Variants in COL9A1 observed in about 807,000 individuals in gnomAD.
The protein encoded by COL9A1 is collagen alpha-1(IX) chain.
Under a neutral mutation model 142.6 loss-of-function variants are expected in COL9A1, and 104 were observed. The observed-to-expected ratio is 0.73, with a 90% CI of 0.62 to 0.86. COL9A1 has a LOEUF of 0.86. COL9A1 is among the 40% of genes least tolerant of loss of function. The probability of loss-of-function intolerance (pLI) is 0.00; values close to 1 mark genes in which losing one functional copy is unlikely to be tolerated. For missense variants in COL9A1, 1,210 were observed against 1,176.6 expected (o/e 1.03, Z -0.42); for synonymous variants, 466 against 396.0 (o/e 1.18, Z -2.10).
chr6:70,242,266 T>G, intron 29 of COL9A1: 3 of 597,402 alleles, frequency 5.0e-6, no homozygotes, highest in Admixed American at 2.6e-5. Context: ...CTTGCACTCC[T>G]TGGCAACAGT....
Position 70,216,803 on chromosome 6 carries a change from G to C in COL9A1, c.*94C>G, listed in dbSNP as rs1189778900. The C allele has an allele frequency of 3.2e-6, 4 of 1,266,940 alleles. No homozygotes were observed. Among genetic ancestry groups the C allele is most frequent in the Non-Finnish European group, 4.6e-6 (4 of 876,368 alleles). The allele number at this position is 1,266,940 out of a possible 1,614,324, so 78.5% of individuals were successfully genotyped here. A position where few individuals can be genotyped will look rare whatever the true frequency, so the allele number is the denominator to read the frequency against. ...GTAATACATTGTAATCATGCTGAAGGTAATCATCTTTGCCCCAGCTTTGGA... is the reference window on the plus strand; with the variant it reads ...GTAATACATTGTAATCATGCTGAAGCTAATCATCTTTGCCCCAGCTTTGGA... On this transcript the variant is annotated 3_prime_UTR_variant, in exon 38 of 38. Transcript: ENST00000357250.
Position 70,224,677 on chromosome 6 carries a change from T to G in COL9A1, c.2581+1255A>C, listed in dbSNP as rs73749907. Among the ~76,000 whole-genome samples the G allele has an allele frequency of 5.8e-3, 880 of 152,280 alleles. 7 individuals are homozygous for G. The highest frequency in any genetic ancestry group is 0.018 in the African/African-American group (757 of 41,564). ...AGACAGGCACCTTTAGTAAATTCTA[T>G]TTCCTTTTCCTCTCCTCTACACACC... On this transcript the variant is annotated intron_variant, in intron 37 of 37. Coordinates refer to ENST00000357250, the MANE Select transcript of COL9A1 (RefSeq NM_001851.6).
In COL9A1 at chr6:70,294,550, T is replaced by C; in HGVS notation, c.313A>G (p.Ser105Gly). Reference protein sequence around the residue: ...FRIPTRNLYPSGLPEEYSFLT... With the variant: ...FRIPTRNLYPGGLPEEYSFLT... ...AAGGAGTATTCTTCAGGCAGTCCAC[T>C]GGGATATAAATTCCTGAGTAAAATT... The change falls in exon 5 of 38, where the codon AGT becomes GGT. Residue 105 changes from serine (S) to glycine (G), a missense_variant. Physicochemically the swap from Ser to Gly is moderately conservative, Grantham distance 56. Coordinates refer to ENST00000357250, the MANE Select transcript of COL9A1 (RefSeq NM_001851.6). 1.9e-6 allele frequency: 3 copies of C among 1,613,976 alleles called. No homozygotes were observed. Among genetic ancestry groups the C allele is most frequent in the Non-Finnish European group, 2.5e-6 (3 of 1,179,884 alleles).
intron 11 of COL9A1, among the ~76,000 whole-genome samples, 157 bp from the exon 12 acceptor site, chr6:70,274,239 G>A (rs1772601021): frequency 6.6e-6 from 1 of 150,508 alleles, no homozygotes; most frequent in South Asian, 2.1e-4. Flanking sequence ...TACATGTGCA[G>A]GATGTGCAGG....
chr6:70,253,465 C>G (rs761291471), intron 25 of COL9A1, 36 bp from the exon 26 acceptor site: 36 of 1,492,832 alleles, frequency 2.4e-5, no homozygotes, highest in Non-Finnish European at 3.1e-5. Context: ...GTTTAATCAC[C>G]TCCTCTGAGA....
At chr6:70,264,044 A>G (rs1562312429) in intron 18 of COL9A1, among the ~76,000 whole-genome samples, 1 of 151,964 alleles carries the variant, frequency 6.6e-6, no homozygotes, top group African/African-American at 2.4e-5. Context: ...CATCCTTAAC[A>G]TATACTAAAT....
intron 7 of COL9A1, 42 bp downstream of exon 7, chr6:70,282,856 T>G (rs763026294): frequency 1.2e-6 from 2 of 1,614,016 alleles, no homozygotes; most frequent in East Asian, 2.2e-5. Flanking sequence ...CCTGTCCTCG[T>G]GTGCGCTTGA....
At chr6:70,253,828 C>A (rs1771102735) in intron 25 of COL9A1, among the ~76,000 whole-genome samples, 1 of 152,240 alleles carries the variant, frequency 6.6e-6, no homozygotes, top group Admixed American at 6.5e-5. Flanking sequence ...CTCAGAAATG[C>A]TGAGCTTTAT....
chr6:70,284,043 T>G (rs1353090516), intron 5 of COL9A1, among the ~76,000 whole-genome samples: 1 of 152,174 alleles, frequency 6.6e-6, no homozygotes, highest in African/African-American at 2.4e-5. Flanking sequence ...ATAGATGTCT[T>G]TAGCTTTGAA....
intron 10 of COL9A1, among the ~76,000 whole-genome samples, chr6:70,277,263 A>C (rs1772829016): frequency 6.6e-6 from 1 of 152,158 alleles, no homozygotes. Context: ...TATCTCTATT[A>C]ATATAATTGC....
At chr6:70,281,354 C>T (rs780322438) in intron 8 of COL9A1, 36 bp downstream of exon 8, 2 of 1,598,030 alleles carry the variant, frequency 1.3e-6, no homozygotes, top group Non-Finnish European at 1.7e-6. Context: ...AAGGGCAGGA[C>T]TGGGGAACAG....
chr6:70,254,771 T>C lies in COL9A1; in HGVS notation c.1665+192A>G. On this transcript the variant is annotated intron_variant, in intron 24 of 37. Coordinates refer to ENST00000357250, the MANE Select transcript of COL9A1 (RefSeq NM_001851.6). ...CAACAGGGCAATTTTACTGAGTTCC[T>C]GAAACCAAGCAAATAATTATACTAT... 3 of 701,810 alleles carry C rather than the reference T, an allele frequency of 4.3e-6. No individual in the cohort carries two copies. In the South Asian group the frequency reaches 5.4e-5, roughly 13 times the overall value. The allele number at this position is 701,810 out of a possible 1,614,324, so 43.5% of individuals were successfully genotyped here. A position where few individuals can be genotyped will look rare whatever the true frequency, so the allele number is the denominator to read the frequency against.
chr6:70,303,082 G>A lies in COL9A1; in HGVS notation c.-158C>T, dbSNP rs1359237203. 6.3e-6 allele frequency: 5 copies of A among 788,716 alleles called. No homozygotes were observed. Among genetic ancestry groups the A allele is most frequent in the African/African-American group, 1.7e-5 (1 of 59,152 alleles). The allele number at this position is 788,716 out of a possible 1,614,324, so 48.9% of individuals were successfully genotyped here. ...GCCCCCGGTGAGGGCTAAAAGCAAA[G>A]GGAGAGAACCAGAGGCATCTCGTGA... On this transcript the variant is annotated 5_prime_UTR_variant, in exon 1 of 38. Transcript: ENST00000357250.
intron 19 of COL9A1, among the ~76,000 whole-genome samples, 180 bp downstream of exon 19, chr6:70,263,064 G>A (rs1453951184): frequency 6.6e-6 from 1 of 152,064 alleles, no homozygotes; most frequent in Non-Finnish European, 1.5e-5. Context: ...AATATATAAT[G>A]AAGACCCTCT....
At chr6:70,289,339 A>C (rs2127602577) in intron 5 of COL9A1, among the ~76,000 whole-genome samples, 1 of 152,294 alleles carries the variant, frequency 6.6e-6, no homozygotes, top group Admixed American at 6.5e-5. Context: ...AGGCCAATAA[A>C]AAAATTCAGT....
intron 20 of COL9A1, 109 bp downstream of exon 20, chr6:70,260,548 C>CAA (rs34147259): frequency 0.017 from 10,344 of 619,208 alleles, 1 homozygote; most frequent in Non-Finnish European, 0.018. Context: ...AACTCCATCT[C>CAA]AAAAAAAAAA....
At chr6:70,248,186 A>G (rs1051495887) in intron 28 of COL9A1, among the ~76,000 whole-genome samples, 1 of 152,220 alleles carries the variant, frequency 6.6e-6, no homozygotes, top group Non-Finnish European at 1.5e-5. Context: ...AGCCCAGGTC[A>G]TGTGCCTGTG....
At chr6:70,274,105 T>C in intron 11 of COL9A1, 23 bp from the exon 12 acceptor site, 4 of 1,573,646 alleles carry the variant, frequency 2.5e-6, no homozygotes, top group Non-Finnish European at 3.5e-6. Context: ...ATAGTTTCAT[T>C]GTACTGACCT....
chr6:70,256,698 G>T (rs1771317775), intron 21 of COL9A1, 70 bp downstream of exon 21: 3 of 1,256,592 alleles, frequency 2.4e-6, no homozygotes, highest in African/African-American at 1.5e-5. Flanking sequence ...AAACAATACT[G>T]CACACACATG....
Sources: gnomAD v4.1 joint callset for allele counts (sites outside exome capture counted in the v4.1 genomes callset) on GRCh38, gnomAD v4.1.1 for gene constraint, MANE v1.5 for transcripts, NCBI Gene and HGNC (gene_info 2026-07-23, HGNC 2026-07-21) for gene names.